The following TTC7B variants were observed in gnomAD, a reference collection of about 807,000 sequenced individuals.
TTC7B encodes tetratricopeptide repeat domain 7B.
In TTC7B, 28 loss-of-function variants were observed where a neutral mutation model predicts 106.8. The ratio of observed to expected loss-of-function variants is 0.26; its 90% CI spans 0.19 to 0.36. TTC7B has a LOEUF of 0.36. Ranked by LOEUF, TTC7B falls within the 10% of genes least tolerant of loss-of-function variation. The pLI, the probability that TTC7B is intolerant of heterozygous loss-of-function variation, is 1.00. For synonymous variants in TTC7B, 405 were observed against 430.6 expected (o/e 0.94, Z 0.74); for missense variants, 862 against 1,076.4 (o/e 0.80, Z 2.79).
intron 5 of TTC7B, among the ~76,000 whole-genome samples, chr14:90,713,156 C>T (rs1018156022): frequency 1.3e-5 from 2 of 152,104 alleles, no homozygotes; most frequent in African/African-American, 4.8e-5. Context: ...CATTCTGTCA[C>T]CCGGGCTGGA....
At chr14:90,815,263 G>C (rs563175602) in intron 1 of TTC7B, among the ~76,000 whole-genome samples, 1 of 152,296 alleles carries the variant, frequency 6.6e-6, no homozygotes, top group South Asian at 2.1e-4. Flanking sequence ...AAATATTAAA[G>C]ATACTCGCTT....
chr14:90,682,832 A>C (rs1887107539), intron 7 of TTC7B, among the ~76,000 whole-genome samples: 1 of 152,220 alleles, frequency 6.6e-6, no homozygotes, highest in Admixed American at 6.5e-5. Flanking sequence ...TGAGAATGGG[A>C]GGGTGCGTCC....
At chr14:90,778,249 C>A (rs917252769) in intron 3 of TTC7B, among the ~76,000 whole-genome samples, 1 of 152,192 alleles carries the variant, frequency 6.6e-6, no homozygotes, top group South Asian at 2.1e-4. Flanking sequence ...CTCCCGTGAG[C>A]CAGCAGGTGT....
intron 15 of TTC7B, among the ~76,000 whole-genome samples, chr14:90,640,294 A>G (rs908015987): frequency 5.9e-5 from 9 of 152,096 alleles, no homozygotes; most frequent in Non-Finnish European, 1.2e-4. Flanking sequence ...AAAGAGAGAG[A>G]GAAAGAAAAA....
At chr14:90,556,728 T>G (rs563442816) in intron 19 of TTC7B, among the ~76,000 whole-genome samples, 1 of 152,174 alleles carries the variant, frequency 6.6e-6, no homozygotes, top group South Asian at 2.1e-4. Flanking sequence ...CCCCTGCACT[T>G]TGGGGAAGGT....
chr14:90,775,443 G>A (rs954648811), intron 3 of TTC7B, among the ~76,000 whole-genome samples: 1 of 152,106 alleles, frequency 6.6e-6, no homozygotes, highest in Admixed American at 6.5e-5. Context: ...CAAAGCCAGA[G>A]GTCAAACCTG....
chr14:90,746,787 T>A (rs1889981062), intron 3 of TTC7B, among the ~76,000 whole-genome samples: 1 of 152,248 alleles, frequency 6.6e-6, no homozygotes, highest in South Asian at 2.1e-4. Flanking sequence ...TTTTCTAATT[T>A]AACTTTTGCT....
At chr14:90,640,172 G>A (rs374758665) in intron 15 of TTC7B, among the ~76,000 whole-genome samples, 153 of 152,146 alleles carry the variant, frequency 1.0e-3, no homozygotes, top group African/African-American at 3.6e-3. Flanking sequence ...CCAGCTACTC[G>A]GGAGGCTGAA....
chr14:90,588,865 C>T (rs8012024), intron 18 of TTC7B, among the ~76,000 whole-genome samples: 12,301 of 134,520 alleles, frequency 0.091, 599 homozygotes, highest in African/African-American at 0.13. Context: ...TTTTAAAAAA[C>T]GGCAAAAGAC....
chr14:90,576,375 G>A (rs1891263763), intron 19 of TTC7B, among the ~76,000 whole-genome samples: 1 of 152,144 alleles, frequency 6.6e-6, no homozygotes, highest in African/African-American at 2.4e-5. Flanking sequence ...CTAACATTTG[G>A]ATAATATGTA....
At chr14:90,703,323 T>A (rs777391144) in intron 5 of TTC7B, among the ~76,000 whole-genome samples, 1 of 152,116 alleles carries the variant, frequency 6.6e-6, no homozygotes, top group Non-Finnish European at 1.5e-5. Flanking sequence ...CAAAGTCACA[T>A]AGGAAAAGAA....
In TTC7B at chr14:90,542,018, C is replaced by G. The variant is rs949562459; in HGVS notation, c.2311-429G>C. 7.9e-5 allele frequency among the ~76,000 whole-genome samples: 12 copies of G among 152,332 alleles called. No individual in the cohort carries two copies. In the East Asian group the frequency reaches 1.4e-3, roughly 17 times the overall value. ...GCAGTGGCGCGATCTTGGCTCACTG[C>G]AAGCTCCGCCTCCCGGGTTCATGCC... On this transcript the variant is annotated intron_variant, in intron 19 of 19. Coordinates refer to ENST00000328459, the MANE Select transcript of TTC7B (RefSeq NM_001010854.2).
intron 6 of TTC7B, among the ~76,000 whole-genome samples, chr14:90,695,070 A>ATATATATAT (rs1335780801): frequency 4.8e-5 from 4 of 82,508 alleles, no homozygotes; most frequent in Non-Finnish European, 7.2e-5. Context: ...TTTATTATAA[A>ATATATATAT]ATATATTTTA....
intron 19 of TTC7B, among the ~76,000 whole-genome samples, chr14:90,545,318 G>A (rs768603202): frequency 1.2e-4 from 19 of 152,356 alleles, no homozygotes; most frequent in South Asian, 2.1e-4. Context: ...GGAAAGGGGC[G>A]TCTGCCATGC....
chr14:90,768,845 T>C (rs1331335151), intron 3 of TTC7B, among the ~76,000 whole-genome samples: 2 of 152,250 alleles, frequency 1.3e-5, no homozygotes, highest in Admixed American at 6.5e-5. Flanking sequence ...CTCCACTTTT[T>C]ATTATCTGCA....
intron 3 of TTC7B, among the ~76,000 whole-genome samples, chr14:90,752,466 A>G (rs752894090): frequency 2.6e-5 from 4 of 152,240 alleles, no homozygotes; most frequent in Non-Finnish European, 5.9e-5. Context: ...GGACGTGGAG[A>G]AAGCTACACA....
At chr14:90,604,247 G>A (rs1343859139) in intron 17 of TTC7B, among the ~76,000 whole-genome samples, 1 of 152,178 alleles carries the variant, frequency 6.6e-6, no homozygotes, top group Non-Finnish European at 1.5e-5. Context: ...AAAAGTCAAT[G>A]TAAAGAATTT....
At chr14:90,665,243 C>T (rs540057384) in intron 9 of TTC7B, among the ~76,000 whole-genome samples, 27 of 152,312 alleles carry the variant, frequency 1.8e-4, no homozygotes, top group Admixed American at 1.4e-3. Flanking sequence ...CACATGACTG[C>T]CACCTCTCTA....
At chr14:90,704,279 G>A (rs1888117476) in intron 5 of TTC7B, among the ~76,000 whole-genome samples, 1 of 152,244 alleles carries the variant, frequency 6.6e-6, no homozygotes, top group African/African-American at 2.4e-5. Context: ...TGGTGTGATT[G>A]TGAACCTTTG....
Sources: allele counts gnomAD v4.1 joint callset (sites outside exome capture counted in the v4.1 genomes callset), GRCh38; gene constraint gnomAD v4.1.1; transcripts MANE v1.5; gene names NCBI Gene and HGNC (gene_info 2026-07-23, HGNC 2026-07-21).